The following PHACTR3 variants were observed in gnomAD, a reference collection of about 807,000 sequenced individuals.
PHACTR3 encodes the protein phosphatase and actin regulator 3.
In PHACTR3, 16 loss-of-function variants were observed where a neutral mutation model predicts 66.8. The ratio of observed to expected loss-of-function variants is 0.24; its 90% CI spans 0.16 to 0.36. PHACTR3 has a LOEUF of 0.36. Ranked by LOEUF, PHACTR3 falls within the 10% of genes least tolerant of loss-of-function variation. The pLI, the probability that PHACTR3 is intolerant of heterozygous loss-of-function variation, is 1.00. For synonymous variants in PHACTR3, 323 were observed against 292.1 expected (o/e 1.11, Z -1.08); for missense variants, 647 against 719.9 (o/e 0.90, Z 1.16).
chr20:59,625,711 T>C (rs2034421851), intron 1 of PHACTR3, among the ~76,000 whole-genome samples: 1 of 152,126 alleles, frequency 6.6e-6, no homozygotes, highest in South Asian at 2.1e-4. Flanking sequence ...ACATCCTCCC[T>C]GCGGAGGCAT....
At chr20:59,646,284 G>A (rs1422455789) in intron 1 of PHACTR3, among the ~76,000 whole-genome samples, 2 of 152,192 alleles carry the variant, frequency 1.3e-5, no homozygotes, top group Non-Finnish European at 2.9e-5. Context: ...GCAAGGTTTA[G>A]CTATTCAGCA....
chr20:59,836,991 A>C (rs964400573), intron 9 of PHACTR3, among the ~76,000 whole-genome samples: 2 of 152,128 alleles, frequency 1.3e-5, no homozygotes, highest in Non-Finnish European at 2.9e-5. Flanking sequence ...AAGCCATGAG[A>C]AGCTTTCCTG....
Position 59,829,887 on chromosome 20 carries a change from C to T in PHACTR3, c.1329-6618C>T, listed in dbSNP as rs566939779. Among the ~76,000 whole-genome samples, 16 of 152,184 alleles carry T rather than the reference C, an allele frequency of 1.1e-4. No individual in the cohort carries two copies. Among genetic ancestry groups the T allele is most frequent in the East Asian group, 9.6e-4 (5 of 5,188 alleles). ...GTGAGATCAAGATTTGGGGGATGTG[C>T]GTTTAGTGGGGCAGCCTGGCTGGGT... On this transcript the variant is annotated intron_variant, in intron 8 of 12. Coordinates refer to ENST00000371015, the MANE Select transcript of PHACTR3 (RefSeq NM_080672.5). The surrounding 1 kb of genome is among the most constrained non-coding windows in gnomAD (Gnocchi z 4.2).
intron 1 of PHACTR3, among the ~76,000 whole-genome samples, chr20:59,703,262 G>A (rs6070916): frequency 0.042 from 6,424 of 152,194 alleles, 464 homozygotes; most frequent in African/African-American, 0.15. Flanking sequence ...TTATGAGGAC[G>A]TTTAGTCATT....
At chr20:59,659,370 C>CTTTTTTT (rs757895372) in intron 1 of PHACTR3, among the ~76,000 whole-genome samples, 8 of 92,766 alleles carry the variant, frequency 8.6e-5, no homozygotes, top group African/African-American at 2.2e-4. Context: ...GGGTCTGGGA[C>CTTTTTTT]TTTTTTTTTT....
intron 9 of PHACTR3, among the ~76,000 whole-genome samples, chr20:59,838,532 G>A (rs2059004749): frequency 6.6e-6 from 1 of 152,100 alleles, no homozygotes; most frequent in African/African-American, 2.4e-5. Flanking sequence ...CTGTGCCAGG[G>A]ACTATATTCA....
In PHACTR3 at chr20:59,820,401, G is replaced by T. The variant is rs533783180; in HGVS notation, c.1328+14207G>T. On this transcript the variant is annotated intron_variant, in intron 8 of 12. Coordinates refer to ENST00000371015, the MANE Select transcript of PHACTR3 (RefSeq NM_080672.5). The surrounding 1 kb of genome is among the most constrained non-coding windows in gnomAD (Gnocchi z 4.6). ...GATCAGGCAAAATGGTGGCTATCATGTATGGATCTTGTACGTTCTGCTTTT... is the reference window on the plus strand; with the variant it reads ...GATCAGGCAAAATGGTGGCTATCATTTATGGATCTTGTACGTTCTGCTTTT... Among the ~76,000 whole-genome samples, 6 of 152,230 alleles carry T rather than the reference G, an allele frequency of 3.9e-5. No homozygotes were observed. The highest frequency in any genetic ancestry group is 7.3e-5 in the Non-Finnish European group (5 of 68,046).
intron 7 of PHACTR3, among the ~76,000 whole-genome samples, chr20:59,804,281 G>A (rs2146992006): frequency 6.6e-6 from 1 of 152,256 alleles, no homozygotes; most frequent in South Asian, 2.1e-4. Context: ...TTTCATTTAT[G>A]TCTAGAAATC....
At chr20:59,841,299 T>C (rs2059056779) in intron 10 of PHACTR3, 96 bp from the exon 11 acceptor site, 6 of 1,304,060 alleles carry the variant, frequency 4.6e-6, no homozygotes, top group Non-Finnish European at 6.3e-6. Flanking sequence ...TTTTTTTGTT[T>C]TGTTTTGTTT....
rs140524195 is a variant in PHACTR3 at position 59,723,060 on chromosome 20, C to CTCTTTCTTTCTTTCTT, written c.119-20002_119-19987dup. ...TATTTCTCTTTTTCTTTCTTTCTTT[C>CTCTTTCTTTCTTTCTT]TCTTTCTTTCTTTCTTTCTTTCTTT... On this transcript the variant is annotated intron_variant, in intron 1 of 12. Transcript: ENST00000371015. Among the ~76,000 whole-genome samples, 339 of 118,766 alleles carry CTCTTTCTTTCTTTCTT rather than the reference C, an allele frequency of 2.9e-3. 2 individuals carry two copies. The highest frequency in any genetic ancestry group is 7.3e-3 in the East Asian group (30 of 4,082). The allele number at this position is 118,766 out of a possible 152,430, so 77.9% of individuals were successfully genotyped here. A position where few individuals can be genotyped will look rare whatever the true frequency, so the allele number is the denominator to read the frequency against.
intron 1 of PHACTR3, among the ~76,000 whole-genome samples, chr20:59,686,264 G>T (rs191888111): frequency 2.9e-4 from 44 of 152,278 alleles, no homozygotes; most frequent in Non-Finnish European, 5.6e-4. Context: ...GCCCACGTGT[G>T]GTCTTGGTCC....
intron 1 of PHACTR3, among the ~76,000 whole-genome samples, chr20:59,646,872 G>T (rs888752729): frequency 8.5e-5 from 13 of 152,184 alleles, no homozygotes; most frequent in Non-Finnish European, 1.5e-4. Context: ...CTCTGAAAGG[G>T]TTTTTCCCAG....
chr20:59,801,899 A>C (rs2041424373), intron 7 of PHACTR3, among the ~76,000 whole-genome samples: 1 of 152,178 alleles, frequency 6.6e-6, no homozygotes, highest in Non-Finnish European at 1.5e-5. Context: ...TCACCTGACC[A>C]AGCTTAGCGA....
chr20:59,640,558 T>C (rs762835449), intron 1 of PHACTR3, among the ~76,000 whole-genome samples: 2 of 152,172 alleles, frequency 1.3e-5, no homozygotes, highest in African/African-American at 4.8e-5. Context: ...CAGAGGATGA[T>C]CTGCACAGCC....
intron 1 of PHACTR3, among the ~76,000 whole-genome samples, chr20:59,593,627 T>G (rs569542497): frequency 6.6e-6 from 1 of 152,332 alleles, no homozygotes; most frequent in South Asian, 2.1e-4. Flanking sequence ...GTTTTACAGT[T>G]TTATATTTTA....
chr20:59,775,633 G>C (rs573801142), intron 7 of PHACTR3, among the ~76,000 whole-genome samples: 1 of 152,300 alleles, frequency 6.6e-6, no homozygotes, highest in East Asian at 1.9e-4. Context: ...GACTGCCACC[G>C]CGGAACCAGT....
intron 1 of PHACTR3, among the ~76,000 whole-genome samples, chr20:59,705,859 C>A (rs961799372): frequency 1.3e-5 from 2 of 152,186 alleles, no homozygotes; most frequent in African/African-American, 2.4e-5. Context: ...GGTGGTGGCC[C>A]CCTCATGCTT....
chr20:59,790,986 C>G (rs2041074238), intron 7 of PHACTR3, among the ~76,000 whole-genome samples: 1 of 152,190 alleles, frequency 6.6e-6, no homozygotes, highest in African/African-American at 2.4e-5. Flanking sequence ...CAACTCATAT[C>G]TCCATGAACT....
intron 1 of PHACTR3, among the ~76,000 whole-genome samples, chr20:59,631,083 G>A (rs1002228806): frequency 6.6e-5 from 10 of 152,194 alleles, no homozygotes; most frequent in Non-Finnish European, 1.5e-5. Flanking sequence ...GCGTTGAGCA[G>A]GGCTGAAAGA....
Sources: allele counts gnomAD v4.1 joint callset (sites outside exome capture counted in the v4.1 genomes callset), GRCh38; gene constraint gnomAD v4.1.1; non-coding constraint Gnocchi (gnomAD v3.1); transcripts MANE v1.5; gene names NCBI Gene and HGNC (gene_info 2026-07-23, HGNC 2026-07-21).